The following ADGRL3 variants were observed in gnomAD, a reference collection of about 807,000 sequenced individuals.
ADGRL3 encodes the protein adhesion G protein-coupled receptor L3, also known as calcium-independent alpha-latrotoxin receptor 3.
In ADGRL3, 62 loss-of-function variants were observed where a neutral mutation model predicts 153.5. The ratio of observed to expected loss-of-function variants is 0.40; its 90% confidence interval spans 0.33 to 0.50. The LOEUF is 0.50. ADGRL3 is among the 20% of genes least tolerant of loss of function. ADGRL3 has a pLI of 0.47. For missense variants in ADGRL3, 1,641 were observed against 1,859.4 expected, an observed-to-expected ratio of 0.88 and a Z score of 2.16; for synonymous variants, 710 against 672.5, an observed-to-expected ratio of 1.06 and a Z score of -0.86.
At chr4:61,813,723 GA>G in intron 8 of ADGRL3, 85 bp from the exon 9 acceptor site, 1 of 1,484,244 alleles carries the variant, frequency 6.7e-7, no homozygotes, top group Non-Finnish European at 9.2e-7. Flanking sequence ...AGTTTGGAGT[GA>G]AATAGTGTTA....
At position 61,737,431 on chromosome 4, in the gene ADGRL3, G is replaced by A. The variant is rs973434759; in HGVS notation, c.1399+3877G>A. ...GATCCTCTGGTGACACTTGGTGATG[G>A]TTACACATAGGTAGCATAGGCTTCT... On this transcript the variant is annotated intron_variant, in intron 8 of 26. Coordinates refer to ENST00000683033, the MANE Select transcript of ADGRL3 (RefSeq NM_001387552.1). 7.9e-5 allele frequency among the ~76,000 whole-genome samples: 12 copies of A among 152,120 alleles called. 1 individual carries two copies. Among genetic ancestry groups the A allele is most frequent in the Admixed American group, 7.9e-4 (12 of 15,262 alleles).
chr4:61,559,135 G>A (rs2148941084), intron 4 of ADGRL3, among the ~76,000 whole-genome samples: 1 of 152,174 alleles, frequency 6.6e-6, no homozygotes, highest in Non-Finnish European at 1.5e-5. Context: ...AAATGAGACA[G>A]TTTATAGAAT....
At chr4:61,450,159 AT>A (rs1018764997) in intron 2 of ADGRL3, among the ~76,000 whole-genome samples, 1 of 152,198 alleles carries the variant, frequency 6.6e-6, no homozygotes, top group Non-Finnish European at 1.5e-5. Flanking sequence ...TACATTTATG[AT>A]TTTAATAGGC....
intron 15 of ADGRL3, among the ~76,000 whole-genome samples, chr4:61,946,369 A>G (rs911533147): frequency 2.0e-5 from 3 of 152,020 alleles, no homozygotes; most frequent in African/African-American, 4.8e-5. Flanking sequence ...TTATTTTTCT[A>G]AAGTGTGTAT....
intron 1 of ADGRL3, among the ~76,000 whole-genome samples, chr4:61,228,781 C>T (rs552767983): frequency 5.3e-5 from 8 of 152,172 alleles, no homozygotes; most frequent in Non-Finnish European, 1.2e-4. Context: ...CAAACTCTAC[C>T]TCCCAGGTTC....
At chr4:61,966,036 G>C (rs1156849565) in intron 17 of ADGRL3, among the ~76,000 whole-genome samples, 1 of 152,100 alleles carries the variant, frequency 6.6e-6, no homozygotes, top group Non-Finnish European at 1.5e-5. Context: ...TCCGCATTCT[G>C]CTTAAAATGC....
At chr4:61,402,132 C>T (rs1449017358) in intron 2 of ADGRL3, among the ~76,000 whole-genome samples, 1 of 152,044 alleles carries the variant, frequency 6.6e-6, no homozygotes, top group Non-Finnish European at 1.5e-5. Flanking sequence ...TTCTTCAACA[C>T]TTACAACATG....
chr4:61,230,442 A>C (rs1288848433), intron 1 of ADGRL3, among the ~76,000 whole-genome samples: 1 of 152,220 alleles, frequency 6.6e-6, no homozygotes, highest in Admixed American at 6.5e-5. Context: ...GGCAAAAGTT[A>C]TTAAGAAATT....
chr4:61,270,655 C>T (rs2093119318), intron 1 of ADGRL3, among the ~76,000 whole-genome samples: 1 of 151,674 alleles, frequency 6.6e-6, no homozygotes, highest in Non-Finnish European at 1.5e-5. Flanking sequence ...TATATTTATA[C>T]TACTGTGGCC....
chr4:61,241,875 A>G (rs1755112874), intron 1 of ADGRL3, among the ~76,000 whole-genome samples: 1 of 152,114 alleles, frequency 6.6e-6, no homozygotes, highest in African/African-American at 2.4e-5. Context: ...TATGGCATTT[A>G]GCATGAATTA....
intron 2 of ADGRL3, among the ~76,000 whole-genome samples, chr4:61,449,370 C>T (rs1407878254): frequency 2.0e-5 from 3 of 151,790 alleles, no homozygotes; most frequent in Admixed American, 1.3e-4. Flanking sequence ...TTCCTGACCT[C>T]GTAATCTGCC....
intron 8 of ADGRL3, among the ~76,000 whole-genome samples, chr4:61,769,859 G>C (rs1172571484): frequency 6.6e-6 from 1 of 151,888 alleles, no homozygotes; most frequent in East Asian, 1.9e-4. Context: ...ATCAGTTAAG[G>C]CAAGGACTGG....
At chr4:61,291,980 T>C (rs150024177) in intron 1 of ADGRL3, among the ~76,000 whole-genome samples, 1 of 150,610 alleles carries the variant, frequency 6.6e-6, no homozygotes, top group African/African-American at 2.4e-5. Context: ...TAAACAATGA[T>C]TTTTTAAAAA....
intron 16 of ADGRL3, among the ~76,000 whole-genome samples, chr4:61,947,710 T>G (rs2098931226): frequency 6.6e-6 from 1 of 152,208 alleles, no homozygotes; most frequent in Non-Finnish European, 1.5e-5. Context: ...CACGTGAAGA[T>G]ATATTTTTGC....
chr4:61,456,746 C>T (rs994116539), intron 2 of ADGRL3, among the ~76,000 whole-genome samples: 3 of 151,048 alleles, frequency 2.0e-5, no homozygotes, highest in African/African-American at 2.4e-5. Context: ...TTGAAATATG[C>T]GTAAGAAGTC....
At chr4:61,895,582 T>C in intron 10 of ADGRL3, 149 bp from the exon 11 acceptor site, 1 of 499,498 alleles carries the variant, frequency 2.0e-6, no homozygotes. Flanking sequence ...TCTCTAGTGC[T>C]AAATGCTTAC....
At chr4:61,618,401 A>G (rs1417125158) in intron 5 of ADGRL3, among the ~76,000 whole-genome samples, 1 of 152,216 alleles carries the variant, frequency 6.6e-6, no homozygotes, top group African/African-American at 2.4e-5. Flanking sequence ...TATGTAACAA[A>G]TTGCCCCAAC....
intron 2 of ADGRL3, among the ~76,000 whole-genome samples, chr4:61,430,939 A>T (rs2097348975): frequency 6.6e-6 from 1 of 152,210 alleles, no homozygotes; most frequent in South Asian, 2.1e-4. Context: ...TAAAAGAGTA[A>T]TGAGTCTTAA....
chr4:61,694,180 T>TTA (rs2095596354), intron 6 of ADGRL3, among the ~76,000 whole-genome samples: 2 of 2,596 alleles, frequency 7.7e-4, no homozygotes, highest in African/African-American at 3.4e-3. Flanking sequence ...TTTGTCATTA[T>TTA]TTTTTTTTTT....
Sources: gnomAD v4.1 joint callset for allele counts (sites outside exome capture counted in the v4.1 genomes callset) on GRCh38, gnomAD v4.1.1 for gene constraint, MANE v1.5 for transcripts, NCBI Gene and HGNC (gene_info 2026-07-23, HGNC 2026-07-21) for gene names.